The following PIGN variants were observed in gnomAD, a reference collection of about 807,000 sequenced individuals.
PIGN encodes the protein phosphatidylinositol glycan anchor biosynthesis class N, also known as GPI ethanolamine phosphate transferase 1.
A neutral mutation model predicts 125.4 loss-of-function variants in PIGN; 117 were observed. The ratio of observed to expected loss-of-function variants is 0.93; its 90% CI spans 0.80 to 1.09. The LOEUF (loss-of-function observed/expected upper bound fraction) is 1.09. Among genes scored for constraint, PIGN ranks in the 50% least tolerant of loss-of-function variants. The pLI, the probability that PIGN is intolerant of heterozygous loss-of-function variation, is 0.00. For missense variants in PIGN, 1,075 were observed against 1,094.9 expected (o/e 0.98, Z 0.26); for synonymous variants, 392 against 377.8 (o/e 1.04, Z -0.44).
At chr18:62,100,298 T>C (rs956647836) in intron 22 of PIGN, among the ~76,000 whole-genome samples, 2 of 152,144 alleles carry the variant, frequency 1.3e-5, no homozygotes, top group Non-Finnish European at 2.9e-5. Context: ...ATTGCTATTA[T>C]CAAAAAGATA....
chr18:62,168,065 A>ATGTCTGTAAT (rs77441898), intron 1 of PIGN, among the ~76,000 whole-genome samples: 106,667 of 151,200 alleles, frequency 0.71, 38,120 homozygotes, highest in East Asian at 0.91. Context: ...GTGGTGGCGC[A>ATGTCTGTAAT]CCCAACCACT....
intron 3 of PIGN, 114 bp from the exon 4 acceptor site, chr18:62,161,499 TCA>T (rs1236577411): frequency 3.6e-6 from 2 of 554,834 alleles, no homozygotes; most frequent in South Asian, 2.8e-5. Context: ...ATTATATAAC[TCA>T]CAACTTTACT....
chr18:62,132,862 TC>T (rs1226854751), intron 14 of PIGN, among the ~76,000 whole-genome samples: 2 of 141,370 alleles, frequency 1.4e-5, no homozygotes, highest in East Asian at 3.9e-4. Context: ...CCTTATTTTT[TC>T]CAAATGGTCA....
chr18:62,138,108 TCAATTTGGAGTTTA>T, intron 14 of PIGN, 121 bp downstream of exon 14: 1 of 1,237,022 alleles, frequency 8.1e-7, no homozygotes, highest in Non-Finnish European at 1.1e-6. Context: ...GAAGAGGATT[TCAATTTGGAGTTTA>T]CACTAATGTA....
chr18:62,066,072 T>G (rs1029098392), intron 30 of PIGN, among the ~76,000 whole-genome samples: 1 of 152,214 alleles, frequency 6.6e-6, no homozygotes, highest in Non-Finnish European at 1.5e-5. Context: ...CCCACAGGCT[T>G]TCTTTAACCA....
chr18:62,118,586 T>C (rs546315892), intron 14 of PIGN: 4 of 152,176 alleles, frequency 2.6e-5, no homozygotes, highest in Non-Finnish European at 4.4e-5. Flanking sequence ...CCAAGAGTCT[T>C]TGGCAATCTT....
chr18:62,070,838 C>G (rs1342403240), intron 30 of PIGN, among the ~76,000 whole-genome samples: 1 of 152,000 alleles, frequency 6.6e-6, no homozygotes, highest in Non-Finnish European at 1.5e-5. Context: ...GGATATCACT[C>G]TGTGGCCCAG....
intron 7 of PIGN, chr18:62,153,826 CAA>C (rs2036623092): frequency 6.6e-6 from 1 of 152,008 alleles, no homozygotes; most frequent in African/African-American, 2.4e-5. Flanking sequence ...GAGAAGTCCA[CAA>C]AGTCAGTTCA....
chr18:62,066,425 G>A (rs568859695), intron 30 of PIGN, among the ~76,000 whole-genome samples: 5 of 152,296 alleles, frequency 3.3e-5, no homozygotes, highest in South Asian at 2.1e-4. Flanking sequence ...ACAGTGTTAC[G>A]AGGAAAATCA....
intron 20 of PIGN, chr18:62,103,799 C>A (rs553771934): frequency 1.3e-5 from 2 of 152,140 alleles, no homozygotes; most frequent in African/African-American, 4.8e-5. Flanking sequence ...CTTTGAGAAT[C>A]CTAAGGAGAA....
intron 23 of PIGN, among the ~76,000 whole-genome samples, chr18:62,025,578 T>A (rs2030106894): frequency 6.6e-6 from 1 of 152,246 alleles, no homozygotes; most frequent in Non-Finnish European, 1.5e-5. Context: ...CTCCCATATG[T>A]GTCTGTTCAG....
chr18:62,074,986 C>T, intron 28 of PIGN, 165 bp from the exon 29 acceptor site: 2 of 528,722 alleles, frequency 3.8e-6, no homozygotes, highest in South Asian at 2.5e-5. Context: ...GGTGACCATA[C>T]CATAGAGATG....
chr18:62,138,900 C>A, intron 13 of PIGN, 83 bp downstream of exon 13: 2 of 693,934 alleles, frequency 2.9e-6, no homozygotes, highest in South Asian at 2.3e-5. Flanking sequence ...AAAACAAAAT[C>A]AAATATTTTC....
At position 62,140,420 on chromosome 18, in the gene PIGN, C is replaced by A; in HGVS notation, c.1023G>T (p.Val341=). ...TTGATAATAAAATTTTATTCCTTAC[C>A]ACTGAGTTAAGAGGAAAGGGAACTC... ...LIGVPFPLNS[V]GILPVDYLNN... is the part of the protein sequence containing the mutation. Residue 341 remains valine (V), a splice_region_variant and synonymous_variant, in exon 12 of 31, where the codon GTG becomes GTT. Coordinates refer to ENST00000640252, the MANE Select transcript of PIGN (RefSeq NM_176787.5). The A allele has an allele frequency of 7.0e-7, 1 of 1,423,514 alleles. No individual in the cohort carries two copies. The highest frequency in any genetic ancestry group is 1.9e-5 in the Admixed American group (1 of 53,066). 88.2% of individuals were successfully genotyped at this position (1,423,514 alleles called of 1,614,324 possible).
At chr18:62,068,227 T>C (rs1030582) in intron 30 of PIGN, among the ~76,000 whole-genome samples, 78,289 of 151,904 alleles carry the variant, frequency 0.52, 22,077 homozygotes, top group East Asian at 0.71. Flanking sequence ...CCTGTTGATA[T>C]CATCATTTGG....
intron 23 of PIGN, among the ~76,000 whole-genome samples, chr18:62,034,045 T>A (rs2030227993): frequency 6.6e-6 from 1 of 152,198 alleles, no homozygotes; most frequent in Admixed American, 6.5e-5. Context: ...AAATTCTGCC[T>A]CCTAAACTGC....
rs147645908 is a variant in PIGN, at chr18:62,122,044, G to A, written c.1173-7405C>T. ...GTGGTTACCAGAGGTTAGAAAAGTA[G>A]AGGGGAGAAGGCAATGAAGAGAGGT... On this transcript the variant is annotated intron_variant, in intron 14 of 30. Coordinates refer to ENST00000640252, the MANE Select transcript of PIGN (RefSeq NM_176787.5). Among the ~76,000 whole-genome samples the A allele has an allele frequency of 7.2e-5, 11 of 152,272 alleles. No homozygotes were observed. The East Asian group carries it at 2.1e-3, about 29-fold the overall frequency.
chr18:62,102,756 T>C, intron 21 of PIGN, 38 bp downstream of exon 21: 1 of 900,988 alleles, frequency 1.1e-6, no homozygotes, highest in South Asian at 1.6e-5. Context: ...TTTCAGTATA[T>C]CATTAGTATA....
chr18:62,069,830 A>T (rs1264829832), intron 30 of PIGN: 2 of 152,240 alleles, frequency 1.3e-5, no homozygotes, highest in African/African-American at 2.4e-5. Context: ...TGTACACTTA[A>T]AAATTGTTAT....
Sources: gnomAD v4.1 joint callset for allele counts (sites outside exome capture counted in the v4.1 genomes callset) on GRCh38, gnomAD v4.1.1 for gene constraint, MANE v1.5 for transcripts, NCBI Gene and HGNC (gene_info 2026-07-23, HGNC 2026-07-21) for gene names.